Variants in MSRB3 observed in about 807,000 individuals in gnomAD.
MSRB3 encodes the protein methionine sulfoxide reductase B3.
MSRB3 carries 13 observed loss-of-function variants against 21.0 expected under a neutral mutation model. That is an observed-to-expected ratio of 0.62 (90% CI 0.40 to 0.98). The LOEUF (loss-of-function observed/expected upper bound fraction) is 0.98. MSRB3 is among the 50% of genes least tolerant of loss of function. MSRB3 has a pLI of 0.00. For missense variants in MSRB3, 199 were observed against 230.3 expected (o/e 0.86, Z 0.88); for synonymous variants, 87 against 88.6 (o/e 0.98, Z 0.10).
chr12:65,360,000 A>G (rs1226416673), intron 4 of MSRB3, among the ~76,000 whole-genome samples: 4 of 151,950 alleles, frequency 2.6e-5, no homozygotes, highest in Non-Finnish European at 5.9e-5. Flanking sequence ...AGATGTCACC[A>G]GGTCTGATGT....
rs531535283 is a variant in MSRB3 at position 65,295,171 on chromosome 12, T to A, written c.-51-13358T>A. 3.3e-4 allele frequency among the ~76,000 whole-genome samples: 50 copies of A among 152,338 alleles called. No individual in the cohort carries two copies. In the South Asian group the frequency reaches 0.01, roughly 32 times the overall value. On this transcript the variant is annotated intron_variant, in intron 1 of 6. Transcript: ENST00000308259. ...CTTTTTTCTTTCATAGGGTTTATTTTAGGTTCTATGACCTTGAAAAAGTAT... is the reference window on the plus strand; with the variant it reads ...CTTTTTTCTTTCATAGGGTTTATTTAAGGTTCTATGACCTTGAAAAAGTAT...
chr12:65,351,947 T>A (rs1877032049), intron 4 of MSRB3, among the ~76,000 whole-genome samples: 1 of 152,124 alleles, frequency 6.6e-6, no homozygotes, highest in African/African-American at 2.4e-5. Flanking sequence ...GAGGGAATCG[T>A]CCCTAACTCA....
intron 5 of MSRB3, among the ~76,000 whole-genome samples, chr12:65,436,091 G>A (rs987613158): frequency 6.6e-6 from 1 of 151,750 alleles, no homozygotes; most frequent in African/African-American, 2.4e-5. Flanking sequence ...CTTTAGATAA[G>A]GAGTTCTTAA....
At chr12:65,349,423 C>T (rs1186599506) in intron 4 of MSRB3, among the ~76,000 whole-genome samples, 27 of 147,180 alleles carry the variant, frequency 1.8e-4, no homozygotes, top group African/African-American at 4.1e-4. Context: ...GGTATATACC[C>T]AGTAATGGGA....
chr12:65,332,061 T>G (rs1172316898), intron 4 of MSRB3, among the ~76,000 whole-genome samples: 1 of 152,158 alleles, frequency 6.6e-6, no homozygotes, highest in Non-Finnish European at 1.5e-5. Context: ...GAAAGAAGTA[T>G]TTAAAGGGCC....
intron 5 of MSRB3, among the ~76,000 whole-genome samples, chr12:65,412,701 A>G (rs534984709): frequency 6.6e-6 from 1 of 152,190 alleles, no homozygotes; most frequent in East Asian, 1.9e-4. Flanking sequence ...GGCAGTCTCT[A>G]TGGTAAGTTG....
intron 1 of MSRB3, chr12:65,286,484 G>T (rs1214832501): frequency 2.6e-5 from 4 of 152,034 alleles, no homozygotes; most frequent in African/African-American, 9.7e-5. Flanking sequence ...GAGCATTGTT[G>T]TTGGGACTAC....
At chr12:65,279,181 G>C in intron 1 of MSRB3, 1 of 804,860 alleles carries the variant, frequency 1.2e-6, no homozygotes, top group Non-Finnish European at 1.7e-6. Flanking sequence ...CTCGCCCCGC[G>C]CGGGCCCAGG....
intron 2 of MSRB3, among the ~76,000 whole-genome samples, chr12:65,310,755 T>G (rs1261512830): frequency 6.6e-6 from 1 of 152,248 alleles, no homozygotes; most frequent in East Asian, 1.9e-4. Context: ...AAGCTGATAG[T>G]TTTTAAAAAA....
chr12:65,311,203 C>G (rs1397153711), intron 2 of MSRB3, among the ~76,000 whole-genome samples: 3 of 152,090 alleles, frequency 2.0e-5, no homozygotes, highest in Non-Finnish European at 4.4e-5. Context: ...CCCTGCTGAA[C>G]CAGAATTCAA....
At chr12:65,458,310 C>T (rs1032672889) in intron 6 of MSRB3, among the ~76,000 whole-genome samples, 1 of 152,114 alleles carries the variant, frequency 6.6e-6, no homozygotes, top group Non-Finnish European at 1.5e-5. Flanking sequence ...TGAATTAGGC[C>T]TCATATTTGC....
Position 65,407,656 on chromosome 12 carries a change from C to T in MSRB3, c.292+38630C>T, listed in dbSNP as rs544876703. Among the ~76,000 whole-genome samples the T allele has an allele frequency of 2.6e-5, 4 of 151,984 alleles. No homozygotes were observed. In the East Asian group the frequency reaches 7.7e-4, roughly 29 times the overall value. On this transcript the variant is annotated intron_variant, in intron 5 of 6. Coordinates refer to ENST00000308259, the MANE Select transcript of MSRB3 (RefSeq NM_001031679.3). ...AAACATTTTCTCTGTTCCTTTTTGT[C>T]TTCTCCTTCTGCTATTCCTATTAAA...
intron 1 of MSRB3, among the ~76,000 whole-genome samples, chr12:65,283,221 T>A (rs1300297261): frequency 6.6e-6 from 1 of 152,218 alleles, no homozygotes; most frequent in East Asian, 1.9e-4. Context: ...CTCTTCTCTA[T>A]CACAACAGGT....
At chr12:65,285,136 G>A (rs545311967) in intron 1 of MSRB3, 1 of 152,254 alleles carries the variant, frequency 6.6e-6, no homozygotes, top group Admixed American at 6.5e-5. Context: ...CCATGGTCAG[G>A]TTCTTATCCA....
intron 1 of MSRB3, among the ~76,000 whole-genome samples, chr12:65,286,902 T>G (rs923727620): frequency 6.7e-5 from 10 of 148,724 alleles, no homozygotes; most frequent in Non-Finnish European, 1.5e-4. Context: ...GCACCTGTGG[T>G]CCCACCTCCT....
At chr12:65,355,977 G>A (rs2136506941) in intron 4 of MSRB3, among the ~76,000 whole-genome samples, 1 of 152,020 alleles carries the variant, frequency 6.6e-6, no homozygotes, top group South Asian at 2.1e-4. Flanking sequence ...TTTGCACATA[G>A]TGAGCACTCC....
intron 4 of MSRB3, among the ~76,000 whole-genome samples, chr12:65,349,043 T>G (rs1191114048): frequency 6.6e-6 from 1 of 152,112 alleles, no homozygotes; most frequent in Non-Finnish European, 1.5e-5. Context: ...TATCTCCCAG[T>G]GCTATCCCTC....
chr12:65,334,771 C>T (rs193032806), intron 4 of MSRB3, among the ~76,000 whole-genome samples: 5 of 152,270 alleles, frequency 3.3e-5, no homozygotes, highest in Admixed American at 2.0e-4. Flanking sequence ...GTCATCAGGC[C>T]ATTCAACATC....
At chr12:65,339,711 C>T (rs1390476211) in intron 4 of MSRB3, among the ~76,000 whole-genome samples, 1 of 151,990 alleles carries the variant, frequency 6.6e-6, no homozygotes, top group Non-Finnish European at 1.5e-5. Context: ...TTAATAATGG[C>T]TATGTTTAGC....
Sources: allele counts gnomAD v4.1 joint callset (sites outside exome capture counted in the v4.1 genomes callset), GRCh38; gene constraint gnomAD v4.1.1; transcripts MANE v1.5; gene names NCBI Gene and HGNC (gene_info 2026-07-23, HGNC 2026-07-21).